Variants in KLF2 observed in about 807,000 individuals in gnomAD.
The protein encoded by KLF2 is Krueppel-like factor 2.
KLF2 carries 9 observed loss-of-function variants against 22.2 expected under a neutral mutation model. The observed-to-expected ratio is 0.40, with a 90% CI of 0.24 to 0.71. The LOEUF is 0.71. Ranked by LOEUF, KLF2 falls within the 30% of genes least tolerant of loss-of-function variation. The pLI, the probability that KLF2 is intolerant of heterozygous loss-of-function variation, is 0.35. For missense variants in KLF2, 481 were observed against 542.1 expected, an observed-to-expected ratio of 0.89 and a Z score of 1.12; for synonymous variants, 299 against 264.2, an observed-to-expected ratio of 1.13 and a Z score of -1.28.
Position 16,325,409 on chromosome 19 carries a change from G to T in KLF2, c.269G>T (p.Gly90Val). 1 of 1,427,764 alleles carries T rather than the reference G, an allele frequency of 7.0e-7. No homozygotes were observed. The allele number at this position is 1,427,764 out of a possible 1,614,324, so 88.4% of individuals were successfully genotyped here. A position where few individuals can be genotyped will look rare whatever the true frequency, so the allele number is the denominator to read the frequency against. The change falls in exon 2 of 3, where the codon GGC (glycine) becomes GTC (valine). Residue 90 changes from glycine (G) to valine (V), a missense_variant. Physicochemically the swap from Gly to Val is moderately radical, Grantham distance 109 (BLOSUM62 -3). This residue lies in a region of KLF2 where 421 missense variants were observed against 435.1 expected (regional missense o/e 0.97). Transcript: ENST00000248071. The part of the protein sequence containing the change: ...APPPYSAPAG[G>V]LVSELLRPEL... Reference sequence around the variant, plus strand: ...CCGCCCTACAGCGCCCCCGCGGGTGGCCTGGTGTCTGAGCTGCTGCGACCC... The same window carrying T: ...CCGCCCTACAGCGCCCCCGCGGGTGTCCTGGTGTCTGAGCTGCTGCGACCC...
At chr19:16,326,757 T>C (rs2091891416) in intron 2 of KLF2, 99 bp from the exon 3 acceptor site, 1 of 1,234,928 alleles carries the variant, frequency 8.1e-7, no homozygotes, top group Non-Finnish European at 1.1e-6. Flanking sequence ...GGGGAGCGCG[T>C]CAAGGCCCTG....
At position 16,325,294 on chromosome 19, in the gene KLF2, G is replaced by C; in HGVS notation, c.154G>C (p.Gly52Arg). 1 of 1,512,504 alleles carries C rather than the reference G, an allele frequency of 6.6e-7. No individual in the cohort carries two copies. The highest frequency in any genetic ancestry group is 8.8e-7 in the Non-Finnish European group (1 of 1,136,292). 93.7% of individuals were successfully genotyped at this position (1,512,504 alleles called of 1,614,324 possible). The change falls in exon 2 of 3, where the codon GGG (glycine) becomes CGG (arginine). Residue 52 changes from glycine to arginine, a missense_variant. By Grantham distance (125) the Gly-to-Arg change is moderately radical (BLOSUM62 -2). Coordinates refer to ENST00000248071, the MANE Select transcript of KLF2 (RefSeq NM_016270.4). ...NSVLDFILSMGLDGLGAEAAP... is the reference protein window; with the variant it reads ...NSVLDFILSMRLDGLGAEAAP... ...CGTGCTGGACTTCATCCTGTCCATG[G>C]GGCTGGATGGCCTGGGCGCCGAGGC... is the stretch of plus-strand genomic sequence containing the variant.
chr19:16,326,280 C>A (rs1413208476), intron 2 of KLF2, among the ~76,000 whole-genome samples: 2 of 132,690 alleles, frequency 1.5e-5, no homozygotes, highest in East Asian at 4.3e-4. Flanking sequence ...ACGCTTAGGA[C>A]GAGGGGGGCC....
In KLF2 at chr19:16,325,649, C is replaced by T. The variant is rs2091887168; in HGVS notation, c.509C>T (p.Pro170Leu). ...GGTCCCGGGGGCCGCCCCCCGCCGCCGCCCGACACACCGCCGCTCAGCCCC... is the reference window on the plus strand; with the variant it reads ...GGTCCCGGGGGCCGCCCCCCGCCGCTGCCCGACACACCGCCGCTCAGCCCC... ...MRGPGGRPPP[P>L]PDTPPLSPDG... Residue 170 changes from proline (P) to leucine (L), a missense_variant, in exon 2 of 3, where the codon CCG becomes CTG. Pro to Leu is a moderately conservative substitution (Grantham distance 98). Transcript: ENST00000248071. 3 of 1,073,790 alleles carry T rather than the reference C, an allele frequency of 2.8e-6. No individual in the cohort carries two copies. Among genetic ancestry groups the T allele is most frequent in the Non-Finnish European group, 2.2e-6 (2 of 891,094 alleles). 66.5% of individuals were successfully genotyped at this position (1,073,790 alleles called of 1,614,324 possible). A position where few individuals can be genotyped will look rare whatever the true frequency, so the allele number is the denominator to read the frequency against.
Position 16,324,849 on chromosome 19 carries a change from C to A in KLF2, c.-75C>A. On this transcript the variant is annotated 5_prime_UTR_variant, in exon 1 of 3. Transcript: ENST00000248071. ...CCACAGAGCCGTCCCCGCCCGCCCG[C>A]GCCCCGACCAGCCCGGCCTCGGGCA... 2 of 1,303,964 alleles carry A rather than the reference C, an allele frequency of 1.5e-6. No homozygotes were observed. Among genetic ancestry groups the A allele is most frequent in the African/African-American group, 1.5e-5 (1 of 64,766 alleles). 80.8% of individuals were successfully genotyped at this position (1,303,964 alleles called of 1,614,324 possible). A position where few individuals can be genotyped will look rare whatever the true frequency, so the allele number is the denominator to read the frequency against.
At position 16,325,062 on chromosome 19, in the gene KLF2, G is replaced by A. The variant is rs45530835; in HGVS notation, c.75+64G>A. ...GGCGGCGGGCTCGGGGTAGTAGAAC[G>A]TGGGCTGCGGGGTGACAGGACGCGA... On this transcript the variant is annotated intron_variant, in intron 1 of 2. Coordinates refer to ENST00000248071, the MANE Select transcript of KLF2 (RefSeq NM_016270.4). 2,357 of 1,433,762 alleles carry A rather than the reference G, an allele frequency of 1.6e-3. 26 individuals carry two copies. The African/African-American group carries it at 0.031, about 19-fold the overall frequency. 88.8% of individuals were successfully genotyped at this position (1,433,762 alleles called of 1,614,324 possible). A position where few individuals can be genotyped will look rare whatever the true frequency, so the allele number is the denominator to read the frequency against.
In KLF2 at chr19:16,328,055, A is replaced by T. The variant is rs961858997; in HGVS notation, c.*1024A>T. 3.3e-5 allele frequency among the ~76,000 whole-genome samples: 5 copies of T among 152,116 alleles called. No individual in the cohort carries two copies. The highest frequency in any genetic ancestry group is 9.7e-5 in the African/African-American group (4 of 41,440). ...GCTAGCGGAAAACAGTGAAACCTGC[A>T]TTCGAGGGCCATGCATGAAGCTCTT... On this transcript the variant is annotated 3_prime_UTR_variant, in exon 3 of 3. Transcript: ENST00000248071.
At position 16,326,692 on chromosome 19, in the gene KLF2, G is replaced by T. The variant is rs1170086559; in HGVS notation, c.893-164G>T. Among the ~76,000 whole-genome samples, 3 of 152,086 alleles carry T rather than the reference G, an allele frequency of 2.0e-5. No individual in the cohort carries two copies. The South Asian group carries it at 6.2e-4, about 31-fold the overall frequency. On this transcript the variant is annotated intron_variant, in intron 2 of 2. Coordinates refer to ENST00000248071, the MANE Select transcript of KLF2 (RefSeq NM_016270.4). ...CCCCCTGGGGGTGAGGATCCGGATT[G>T]TGGGGGGAGTTGGGGATGTAGGGCA...
chr19:16,326,157 G>C, intron 2 of KLF2, 125 bp downstream of exon 2: 1 of 956,398 alleles, frequency 1.0e-6, no homozygotes, highest in Non-Finnish European at 1.5e-6. Flanking sequence ...GGATCTGGCA[G>C]GTGGTGCACG....
chr19:16,328,408 T>A lies in KLF2; in HGVS notation c.*1377T>A, dbSNP rs1019342580. 6.6e-6 allele frequency among the ~76,000 whole-genome samples: 1 copy of A among 152,004 alleles called. No individual in the cohort carries two copies. Among genetic ancestry groups the A allele is most frequent in the Non-Finnish European group, 1.5e-5 (1 of 68,014 alleles). On this transcript the variant is annotated 3_prime_UTR_variant, in exon 3 of 3. Coordinates refer to ENST00000248071, the MANE Select transcript of KLF2 (RefSeq NM_016270.4). ...CCCCCCAGATTTCACCTGCCACCCCTCACCTTCCCCATTCTCAGGGGCCCC... is the reference window on the plus strand; with the variant it reads ...CCCCCCAGATTTCACCTGCCACCCCACACCTTCCCCATTCTCAGGGGCCCC...
At chr19:16,326,799 C>T in intron 2 of KLF2, 57 bp from the exon 3 acceptor site, 2 of 1,544,930 alleles carry the variant, frequency 1.3e-6, no homozygotes, top group South Asian at 1.1e-5. Flanking sequence ...CCGGGGTAGC[C>T]ATACGTGCCC....
In KLF2 at chr19:16,325,366, C is replaced by A; in HGVS notation, c.226C>A (p.Pro76Thr). ...GCCCCCGCCGCCTGCGTTCTATTAC[C>A]CCGAACCCGGCGCGCCCCCGCCCTA... ...PPPPPPAFYY[P>T]EPGAPPPYSA... is the part of the protein sequence containing the mutation. Residue 76 changes from proline (P) to threonine (T), a missense_variant, in exon 2 of 3, where the codon CCC becomes ACC. Physicochemically the swap from Pro to Thr is conservative, Grantham distance 38. Coordinates refer to ENST00000248071, the MANE Select transcript of KLF2 (RefSeq NM_016270.4). 3 of 1,439,522 alleles carry A rather than the reference C, an allele frequency of 2.1e-6. No homozygotes were observed. Among genetic ancestry groups the A allele is most frequent in the Non-Finnish European group, 2.7e-6 (3 of 1,107,634 alleles). 89.2% of individuals were successfully genotyped at this position (1,439,522 alleles called of 1,614,324 possible).
rs1384886922 is a variant in KLF2, at chr19:16,325,929, T to A, written c.789T>A (p.Ser263=). ...CCAAGCCAAAGCGCGGCCGCCGCTC[T>A]TGGCCCCGCAAACGCACCGCCACTC... ...LEAKPKRGRR[S]WPRKRTATHT... is the part of the protein sequence containing the mutation. The change falls in exon 2 of 3, where the codon TCT becomes TCA. Residue 263 remains serine (S), a synonymous_variant. Transcript: ENST00000248071. The A allele has an allele frequency of 2.6e-6, 4 of 1,528,346 alleles. No homozygotes were observed. Among genetic ancestry groups the A allele is most frequent in the Non-Finnish European group, 3.5e-6 (4 of 1,139,824 alleles). The allele number at this position is 1,528,346 out of a possible 1,614,324, so 94.7% of individuals were successfully genotyped here.
chr19:16,325,899 G>A lies in KLF2; in HGVS notation c.759G>A (p.Leu253=). 6.6e-7 allele frequency: 1 copy of A among 1,507,420 alleles called. No homozygotes were observed. Among genetic ancestry groups the A allele is most frequent in the Non-Finnish European group, 8.8e-7 (1 of 1,133,004 alleles). 93.4% of individuals were successfully genotyped at this position (1,507,420 alleles called of 1,614,324 possible). A position where few individuals can be genotyped will look rare whatever the true frequency, so the allele number is the denominator to read the frequency against. The change falls in exon 2 of 3, where the codon CTG becomes CTA. Residue 253 remains leucine (L), a synonymous_variant. Transcript: ENST00000248071. The part of the protein sequence containing the change: ...LTPPASPLEL[L]EAKPKRGRRS... Reference sequence around the variant, plus strand: ...CGCCTGCGTCCCCGCTGGAGCTGCTGGAGGCCAAGCCAAAGCGCGGCCGCC... The same window carrying A: ...CGCCTGCGTCCCCGCTGGAGCTGCTAGAGGCCAAGCCAAAGCGCGGCCGCC...
chr19:16,328,634 G>T lies in KLF2; in HGVS notation c.*1603G>T, dbSNP rs1007336187. Among the ~76,000 whole-genome samples, 1 of 152,162 alleles carries T rather than the reference G, an allele frequency of 6.6e-6. No homozygotes were observed. Among genetic ancestry groups the T allele is most frequent in the Non-Finnish European group, 1.5e-5 (1 of 68,030 alleles). The stretch of plus-strand genomic sequence containing the variant: ...GGTAATCCACGAAAAGCAGAAATAC[G>T]ATTTGACAATCTGATTCATTTTCCG... On this transcript the variant is annotated 3_prime_UTR_variant, in exon 3 of 3. Transcript: ENST00000248071.
In KLF2 at chr19:16,327,746, A is replaced by G. The variant is rs1191874152; in HGVS notation, c.*715A>G. On this transcript the variant is annotated 3_prime_UTR_variant, in exon 3 of 3. Transcript: ENST00000248071. ...AGACACTGCATTTTAGGACTGAGGG[A>G]GGGTTATTTTAAGGTTGTTCTTTGA... 3 of 151,340 alleles carry G rather than the reference A, an allele frequency of 2.0e-5. No homozygotes were observed. Among genetic ancestry groups the G allele is most frequent in the East Asian group, 1.9e-4 (1 of 5,156 alleles). The allele number at this position is 151,340 out of a possible 1,614,324, so 9.4% of individuals were successfully genotyped here.
Position 16,324,871 on chromosome 19 carries a change from GGCA to G in KLF2, c.-50_-48del. 6.8e-7 allele frequency: 1 copy of G among 1,478,962 alleles called. No homozygotes were observed. The highest frequency in any genetic ancestry group is 9.2e-7 in the Non-Finnish European group (1 of 1,084,272). The allele number at this position is 1,478,962 out of a possible 1,614,324, so 91.6% of individuals were successfully genotyped here. ...CCGCGCCCCGACCAGCCCGGCCTCG[GGCA>G]GCCACTCACCGGTGTCCCCGTCCGC... On this transcript the variant is annotated 5_prime_UTR_variant, in exon 1 of 3. Transcript: ENST00000248071.
In KLF2 at chr19:16,327,862, C is replaced by T. The variant is rs1003613451; in HGVS notation, c.*831C>T. On this transcript the variant is annotated 3_prime_UTR_variant, in exon 3 of 3. Transcript: ENST00000248071. ...ACGTTGAAAAAAATAAAACTACTTA[C>T]CTCTTCCTGGAAGCCTCTGAGGTTT... is the stretch of plus-strand genomic sequence containing the variant. 44 of 152,100 alleles carry T rather than the reference C, an allele frequency of 2.9e-4. No homozygotes were observed. Among genetic ancestry groups the T allele is most frequent in the African/African-American group, 1.0e-3 (43 of 41,408 alleles). 9.4% of individuals were successfully genotyped at this position (152,100 alleles called of 1,614,324 possible). A position where few individuals can be genotyped will look rare whatever the true frequency, so the allele number is the denominator to read the frequency against.
Position 16,325,674 on chromosome 19 carries a change from C to T in KLF2, c.534C>T (p.Pro178=). 2.8e-6 allele frequency: 3 copies of T among 1,089,738 alleles called. No homozygotes were observed. Among genetic ancestry groups the T allele is most frequent in the South Asian group, 8.2e-5 (2 of 24,246 alleles). 67.5% of individuals were successfully genotyped at this position (1,089,738 alleles called of 1,614,324 possible). Residue 178 remains proline, a synonymous_variant, in exon 2 of 3, where the codon CCC becomes CCT. Coordinates refer to ENST00000248071, the MANE Select transcript of KLF2 (RefSeq NM_016270.4). ...PPPPDTPPLS[P]DGPARLPAPG... ...CGCCCGACACACCGCCGCTCAGCCC[C>T]GACGGCCCCGCGCGCCTGCCCGCGC...
Sources: gnomAD v4.1 joint callset for allele counts (sites outside exome capture counted in the v4.1 genomes callset) on GRCh38, gnomAD v4.1.1 for gene constraint, gnomAD v4.1.1 regional missense constraint, MANE v1.5 for transcripts, NCBI Gene and HGNC (gene_info 2026-07-23, HGNC 2026-07-21) for gene names.